The following PKD1L1 variants were observed in gnomAD, a reference collection of about 807,000 sequenced individuals.
PKD1L1 encodes the protein polycystin 1 like 1, transient receptor potential channel interacting.
A neutral mutation model predicts 323.4 loss-of-function variants in PKD1L1; 236 were observed. That is an observed-to-expected ratio of 0.73 (90% CI 0.66 to 0.81). The LOEUF (loss-of-function observed/expected upper bound fraction) is 0.81. PKD1L1 is among the 40% of genes least tolerant of loss of function. The pLI is 0.00. For synonymous variants in PKD1L1, 1,344 were observed against 1,335.0 expected (o/e 1.01, Z -0.15); for missense variants, 3,320 against 3,508.0 (o/e 0.95, Z 1.35).
chr7:47,809,387 TA>T, intron 51 of PKD1L1, 85 bp downstream of exon 51: 1 of 1,039,990 alleles, frequency 9.6e-7, no homozygotes, highest in Non-Finnish European at 1.4e-6. Flanking sequence ...AGCTAGTGCA[TA>T]ATCAATTTCT....
intron 31 of PKD1L1, among the ~76,000 whole-genome samples, chr7:47,852,445 T>C (rs1468184791): frequency 6.6e-6 from 1 of 152,224 alleles, no homozygotes; most frequent in African/African-American, 2.4e-5. Context: ...CCAGTAAACA[T>C]GTAGAGACAA....
rs150988440 is a variant in PKD1L1, at chr7:47,849,689, G to T, written c.4961-2618C>A. 5.1e-3 allele frequency among the ~76,000 whole-genome samples: 732 copies of T among 143,958 alleles called. 2 individuals are homozygous for T. Among genetic ancestry groups the T allele is most frequent in the Non-Finnish European group, 5.0e-3 (332 of 66,700 alleles). 94.4% of individuals were successfully genotyped at this position (143,958 alleles called of 152,430 possible). A position where few individuals can be genotyped will look rare whatever the true frequency, so the allele number is the denominator to read the frequency against. ...AATTTTTAAAAGTCAAAAAATAATAGATTTTGGTTGTGTATGTGGTGAAAA... is the reference window on the plus strand; with the variant it reads ...AATTTTTAAAAGTCAAAAAATAATATATTTTGGTTGTGTATGTGGTGAAAA... On this transcript the variant is annotated intron_variant, in intron 31 of 56. Transcript: ENST00000289672.
rs1488159439 is a variant in PKD1L1 at position 47,840,279 on chromosome 7, T to C, written c.5552+182A>G. 6.6e-6 allele frequency among the ~76,000 whole-genome samples: 1 copy of C among 152,206 alleles called. No individual in the cohort carries two copies. The highest frequency in any genetic ancestry group is 1.9e-4 in the East Asian group (1 of 5,200). Reference sequence around the variant, plus strand: ...CTTCCTTCCTTGCCTCGCATAAACCTATTGTTTAATCTACTCAGAATAATA... The same window carrying C: ...CTTCCTTCCTTGCCTCGCATAAACCCATTGTTTAATCTACTCAGAATAATA... On this transcript the variant is annotated intron_variant, in intron 35 of 56. Coordinates refer to ENST00000289672, the MANE Select transcript of PKD1L1 (RefSeq NM_138295.5). The surrounding 1 kb of genome is among the most constrained non-coding windows in gnomAD (Gnocchi z 4.1).
intron 8 of PKD1L1, among the ~76,000 whole-genome samples, chr7:47,914,257 GCA>G (rs1441073366): frequency 6.6e-6 from 1 of 152,134 alleles, no homozygotes; most frequent in Non-Finnish European, 1.5e-5. Flanking sequence ...ATTTTAAAAT[GCA>G]CACAGAGCCC....
chr7:47,827,199 G>A, intron 45 of PKD1L1, 151 bp downstream of exon 45: 2 of 556,408 alleles, frequency 3.6e-6, no homozygotes, highest in Non-Finnish European at 3.0e-6. Flanking sequence ...ATATAAATAA[G>A]GATGGCTCTG....
intron 42 of PKD1L1, 125 bp from the exon 43 acceptor site, chr7:47,830,249 G>A (rs1430667444): frequency 1.4e-6 from 1 of 727,400 alleles, no homozygotes; most frequent in East Asian, 2.7e-5. Flanking sequence ...CAGGAAGCCT[G>A]CTGTGGGGGT....
intron 14 of PKD1L1, among the ~76,000 whole-genome samples, chr7:47,897,497 T>C (rs2128749847): frequency 6.6e-6 from 1 of 152,332 alleles, no homozygotes; most frequent in Non-Finnish European, 1.5e-5. Context: ...TGAAGCCTAC[T>C]CTTTTAAAAA....
At chr7:47,853,766 CA>C (rs58842095) in intron 30 of PKD1L1, among the ~76,000 whole-genome samples, 44,990 of 108,022 alleles carry the variant, frequency 0.42, 7,628 homozygotes, top group Middle Eastern at 0.45. Flanking sequence ...ACAAACAAAC[CA>C]AAAAAAAAAA....
intron 54 of PKD1L1, 34 bp from the exon 55 acceptor site, chr7:47,796,184 T>A: frequency 6.6e-7 from 1 of 1,511,534 alleles, no homozygotes; most frequent in South Asian, 1.2e-5. Context: ...ACAAATTTCA[T>A]GTTAGCAGCC....
chr7:47,866,602 G>T lies in PKD1L1; in HGVS notation c.3909C>A (p.Ser1303Arg). The T allele has an allele frequency of 1.2e-6, 2 of 1,605,968 alleles. No homozygotes were observed. Among genetic ancestry groups the T allele is most frequent in the Non-Finnish European group, 1.7e-6 (2 of 1,175,384 alleles). ...GCTGGAGGGTAGAAAGGTTTTTCAG[G>T]CTGGAATTATACCTGAAGGAAACAC... ...DCLGEDLYNS[S>R]LKNLSTLQLM... Residue 1303 changes from serine to arginine, a missense_variant, in exon 25 of 57, where the codon AGC (serine) becomes AGA (arginine). Physicochemically the swap from Ser to Arg is moderately radical, Grantham distance 110. Coordinates refer to ENST00000289672, the MANE Select transcript of PKD1L1 (RefSeq NM_138295.5).
rs1171573463 is a variant in PKD1L1 at position 47,876,217 on chromosome 7, C to T, written c.3664G>A (p.Asp1222Asn). ...TGGTAACTAAATTCATAATGGAAGTCCTATGATCCAGTCCAAGGGAGCAAA... is the reference window on the plus strand; with the variant it reads ...TGGTAACTAAATTCATAATGGAAGTTCTATGATCCAGTCCAAGGGAGCAAA... Reference protein sequence around the residue: ...FSVFCMSGKPDFHYEFSYQIG... With the variant: ...FSVFCMSGKPNFHYEFSYQIG... Residue 1222 changes from aspartate to asparagine, a missense_variant and splice_region_variant, in exon 23 of 57, where the codon GAC (aspartate) becomes AAC (asparagine). Coordinates refer to ENST00000289672, the MANE Select transcript of PKD1L1 (RefSeq NM_138295.5). The T allele has an allele frequency of 6.2e-7, 1 of 1,613,726 alleles. No individual in the cohort carries two copies.
At chr7:47,958,085 A>C in the PKD1L1 span, among the ~76,000 whole-genome samples, 2 of 151,456 alleles carry the variant, frequency 1.3e-5, no homozygotes, top group African/African-American at 4.8e-5. Flanking sequence ...TCACAGATAG[A>C]AAAAAAAATC....
chr7:47,943,339 G>T, intron 2 of PKD1L1, 57 bp downstream of exon 2: 1 of 1,379,446 alleles, frequency 7.2e-7, no homozygotes, highest in Non-Finnish European at 1.0e-6. Flanking sequence ...GTTTATACCA[G>T]GGAAATAAAG....
At chr7:47,879,112 T>A (rs915672363) in intron 21 of PKD1L1, among the ~76,000 whole-genome samples, 3 of 152,184 alleles carry the variant, frequency 2.0e-5, no homozygotes, top group Non-Finnish European at 2.9e-5. Flanking sequence ...AGTTGTTAAA[T>A]GCTAAACGTG....
At chr7:47,938,803 G>C (rs931780905) in intron 3 of PKD1L1, among the ~76,000 whole-genome samples, 1 of 152,212 alleles carries the variant, frequency 6.6e-6, no homozygotes, top group Non-Finnish European at 1.5e-5. Context: ...AGTCACCTGG[G>C]TGGGGTGGGG....
chr7:47,807,474 C>T (rs1233887389), intron 52 of PKD1L1, among the ~76,000 whole-genome samples: 1 of 152,086 alleles, frequency 6.6e-6, no homozygotes, highest in East Asian at 1.9e-4. Flanking sequence ...CTATAGGACT[C>T]ACCCAGCCCT....
intron 45 of PKD1L1, among the ~76,000 whole-genome samples, chr7:47,822,617 AAAC>A (rs1184975582): frequency 2.6e-5 from 4 of 151,358 alleles, no homozygotes; most frequent in African/African-American, 9.7e-5. Flanking sequence ...AAAAAAAAAA[AAAC>A]AGCTGTGGTA....
intron 52 of PKD1L1, among the ~76,000 whole-genome samples, chr7:47,806,892 T>G (rs1401364522): frequency 2.0e-5 from 3 of 152,304 alleles, no homozygotes; most frequent in African/African-American, 7.2e-5. Context: ...GCATGTTATG[T>G]TCCCCCAGCT....
chr7:47,939,570 G>A (rs75592838), intron 3 of PKD1L1, among the ~76,000 whole-genome samples: 1,862 of 152,274 alleles, frequency 0.012, 37 homozygotes, highest in African/African-American at 0.043. Flanking sequence ...CCAGGGCATT[G>A]CCCAGGCCTT....
Sources: allele counts gnomAD v4.1 joint callset (sites outside exome capture counted in the v4.1 genomes callset), GRCh38; gene constraint gnomAD v4.1.1; non-coding constraint Gnocchi (gnomAD v3.1); transcripts MANE v1.5; gene names NCBI Gene and HGNC (gene_info 2026-07-23, HGNC 2026-07-21).